The following RBFOX1 variants were observed in gnomAD, a reference collection of about 807,000 sequenced individuals.
RBFOX1 encodes RNA binding protein fox-1 homolog 1.
In RBFOX1, 8 loss-of-function variants were observed where a neutral mutation model predicts 57.7. That is an observed-to-expected ratio of 0.14 (90% CI 0.08 to 0.25). RBFOX1 has a LOEUF of 0.25. RBFOX1 is among the 10% of genes least tolerant of loss of function. RBFOX1 has a pLI of 1.00. For synonymous variants in RBFOX1, 326 were observed against 222.4 expected (o/e 1.47, Z -4.15); for missense variants, 611 against 548.5 (o/e 1.11, Z -1.14).
At chr16:6,950,069 C>T (rs1262770714) in intron 3 of RBFOX1, among the ~76,000 whole-genome samples, 2 of 151,324 alleles carry the variant, frequency 1.3e-5, no homozygotes, top group Non-Finnish European at 2.9e-5. Context: ...GCCTCAGCCT[C>T]CCGAGTAGCT....
In RBFOX1 at chr16:7,493,979, G is replaced by A. The variant is rs552712479; in HGVS notation, c.28-24168G>A. ...CAAAACAATTTCTTAGTTATTTGAA[G>A]AACCACACTGATAAGCAATGGCACC... is the stretch of plus-strand genomic sequence containing the variant. On this transcript the variant is annotated intron_variant, in intron 4 of 15. Coordinates refer to ENST00000550418, the MANE Select transcript of RBFOX1 (RefSeq NM_018723.4). Among the ~76,000 whole-genome samples the A allele has an allele frequency of 4.6e-5, 7 of 152,296 alleles. No individual in the cohort carries two copies. In the South Asian group the frequency reaches 1.5e-3, roughly 32 times the overall value.
intron 2 of RBFOX1, among the ~76,000 whole-genome samples, chr16:6,586,949 T>C (rs1430947001): frequency 1.3e-5 from 2 of 152,212 alleles, no homozygotes; most frequent in African/African-American, 4.8e-5. Context: ...ATATATATTG[T>C]GGAATGCTTA....
At chr16:5,780,245 A>G (rs2054283128) in intron 3 of RBFOX1, among the ~76,000 whole-genome samples, 1 of 152,104 alleles carries the variant, frequency 6.6e-6, no homozygotes, top group African/African-American at 2.4e-5. Context: ...CTTGTGATCC[A>G]CCCATCTCTG....
chr16:7,316,068 T>C (rs1280104726), intron 4 of RBFOX1, among the ~76,000 whole-genome samples: 6 of 152,228 alleles, frequency 3.9e-5, no homozygotes, highest in Non-Finnish European at 2.9e-5. Flanking sequence ...CCTGGCTTTG[T>C]GAGAAATATC....
intron 3 of RBFOX1, among the ~76,000 whole-genome samples, chr16:6,739,849 C>A (rs1326030379): frequency 6.6e-6 from 1 of 152,072 alleles, no homozygotes; most frequent in East Asian, 1.9e-4. Flanking sequence ...TTCACTCCAG[C>A]CTGGGTGACA....
intron 11 of RBFOX1, among the ~76,000 whole-genome samples, chr16:7,645,582 G>A (rs970737797): frequency 5.9e-5 from 9 of 152,188 alleles, no homozygotes; most frequent in African/African-American, 1.4e-4. Context: ...AGGACATTGC[G>A]TTTCTGTAAT....
intron 2 of RBFOX1, among the ~76,000 whole-genome samples, chr16:6,420,500 T>C (rs1044523558): frequency 3.3e-5 from 5 of 152,216 alleles, no homozygotes; most frequent in Non-Finnish European, 7.3e-5. Flanking sequence ...GAAGAGATGT[T>C]AAGCCAGATA....
At chr16:6,898,221 C>T (rs377222302) in intron 3 of RBFOX1, among the ~76,000 whole-genome samples, 197 of 152,174 alleles carry the variant, frequency 1.3e-3, no homozygotes, top group African/African-American at 4.3e-3. Flanking sequence ...CACCCATGGC[C>T]GCCCCTTTGG....
intron 3 of RBFOX1, among the ~76,000 whole-genome samples, chr16:6,673,917 G>A (rs888788996): frequency 3.3e-5 from 5 of 152,302 alleles, no homozygotes; most frequent in Non-Finnish European, 7.3e-5. Flanking sequence ...GGAGGATCCT[G>A]AAAGACTGGC....
intron 2 of RBFOX1, among the ~76,000 whole-genome samples, chr16:6,479,519 C>T (rs1346644653): frequency 1.3e-5 from 2 of 151,724 alleles, no homozygotes; most frequent in Non-Finnish European, 2.9e-5. Context: ...ATCTGGGAAG[C>T]AGAAGTTGCA....
intron 2 of RBFOX1, among the ~76,000 whole-genome samples, chr16:6,652,179 G>T (rs141786354): frequency 6.6e-6 from 1 of 152,154 alleles, no homozygotes; most frequent in African/African-American, 2.4e-5. Context: ...CACACCTTAC[G>T]GTGGCTCACA....
chr16:6,744,770 C>T (rs1478155062), intron 3 of RBFOX1, among the ~76,000 whole-genome samples: 5 of 151,986 alleles, frequency 3.3e-5, no homozygotes, highest in Non-Finnish European at 5.9e-5. Context: ...CTTACTTTAT[C>T]TTCTGCCTTA....
At chr16:5,865,259 T>C (rs1416958364) in intron 3 of RBFOX1, among the ~76,000 whole-genome samples, 2 of 152,144 alleles carry the variant, frequency 1.3e-5, no homozygotes, top group African/African-American at 4.8e-5. Context: ...CGTGAGATAA[T>C]GTAGCCCAGG....
In RBFOX1 at chr16:7,460,670, C is replaced by A. The variant is rs2059420731; in HGVS notation, c.28-57477C>A. On this transcript the variant is annotated intron_variant, in intron 4 of 15. Transcript: ENST00000550418. ...ATCTGCACAACAAACCACCATGACACACGTTTACCTGTGTAACAATCCTGC... is the reference window on the plus strand; with the variant it reads ...ATCTGCACAACAAACCACCATGACAAACGTTTACCTGTGTAACAATCCTGC... Among the ~76,000 whole-genome samples the A allele has an allele frequency of 1.3e-5, 2 of 151,588 alleles. 1 individual carries two copies. The highest frequency in any genetic ancestry group is 4.2e-4 in the South Asian group (2 of 4,788).
At chr16:6,344,501 C>A (rs1241763549) in intron 2 of RBFOX1, among the ~76,000 whole-genome samples, 1 of 149,074 alleles carries the variant, frequency 6.7e-6, no homozygotes, top group African/African-American at 2.5e-5. Context: ...GGGTTCACGC[C>A]ATTCTCCTGC....
At position 7,711,515 on chromosome 16, in the gene RBFOX1, T is replaced by G. The variant is rs1051566976; in HGVS notation, c.*770T>G. The G allele has an allele frequency of 2.6e-5, 4 of 152,548 alleles. No homozygotes were observed. The highest frequency in any genetic ancestry group is 7.2e-5 in the African/African-American group (3 of 41,416). The allele number at this position is 152,548 out of a possible 1,614,324, so 9.4% of individuals were successfully genotyped here. A position where few individuals can be genotyped will look rare whatever the true frequency, so the allele number is the denominator to read the frequency against. ...TTTATATTTCTTCCAGTATAATAAA[T>G]TATTGATATCACTGCTGACTTTTAT... On this transcript the variant is annotated 3_prime_UTR_variant, in exon 16 of 16. Coordinates refer to ENST00000550418, the MANE Select transcript of RBFOX1 (RefSeq NM_018723.4).
At chr16:7,329,212 G>T (rs1481720366) in intron 4 of RBFOX1, among the ~76,000 whole-genome samples, 1 of 152,232 alleles carries the variant, frequency 6.6e-6, no homozygotes. Context: ...GGGCAGAGCA[G>T]ATGGCAATAC....
chr16:6,014,370 A>G (rs778796248), upstream of RBFOX1, among the ~76,000 whole-genome samples: 4 of 152,192 alleles, frequency 2.6e-5, no homozygotes, highest in African/African-American at 7.2e-5. Context: ...CATGTTTACT[A>G]TTTCAAAGAC....
chr16:7,435,698 C>G (rs960636921), intron 4 of RBFOX1, among the ~76,000 whole-genome samples: 7 of 152,188 alleles, frequency 4.6e-5, no homozygotes, highest in Non-Finnish European at 7.3e-5. Flanking sequence ...AGCTATTTAG[C>G]TGTAGGTTTT....
Sources: gnomAD v4.1 joint callset for allele counts (sites outside exome capture counted in the v4.1 genomes callset) on GRCh38, gnomAD v4.1.1 for gene constraint, MANE v1.5 for transcripts, NCBI Gene and HGNC (gene_info 2026-07-23, HGNC 2026-07-21) for gene names.